The following KCNK5 variants were observed in gnomAD, a reference collection of about 807,000 sequenced individuals.
KCNK5 encodes potassium two pore domain channel subfamily K member 5, also known as potassium channel subfamily K member 5.
KCNK5 carries 18 observed loss-of-function variants against 32.9 expected under a neutral mutation model. That is an observed-to-expected ratio of 0.55 (90% confidence interval 0.38 to 0.81). The LOEUF is 0.81. KCNK5 is among the 30% of genes least tolerant of loss of function. The probability of loss-of-function intolerance (pLI) is 0.00; values close to 1 mark genes in which losing one functional copy is unlikely to be tolerated. For synonymous variants in KCNK5, 276 were observed against 275.3 expected, an observed-to-expected ratio of 1.00 and a Z score of -0.03; for missense variants, 507 against 651.0, an observed-to-expected ratio of 0.78 and a Z score of 2.41.
At chr6:39,204,609 G>A (rs750701884) in intron 1 of KCNK5, among the ~76,000 whole-genome samples, 1 of 152,228 alleles carries the variant, frequency 6.6e-6, no homozygotes, top group Non-Finnish European at 1.5e-5. Flanking sequence ...GAAATAGTCT[G>A]GGGCTTGAAC....
intron 1 of KCNK5, among the ~76,000 whole-genome samples, chr6:39,223,001 C>T (rs934935611): frequency 3.3e-5 from 5 of 152,108 alleles, no homozygotes; most frequent in Admixed American, 6.6e-5. Context: ...GGCTTTTAAA[C>T]GTGGCTAAAA....
chr6:39,210,545 A>G (rs1056673600), intron 1 of KCNK5, among the ~76,000 whole-genome samples: 5 of 152,184 alleles, frequency 3.3e-5, no homozygotes, highest in African/African-American at 1.2e-4. Context: ...TTAACCCAAC[A>G]ACGATGGGGC....
At chr6:39,215,307 C>T (rs754943920) in intron 1 of KCNK5, among the ~76,000 whole-genome samples, 2 of 152,202 alleles carry the variant, frequency 1.3e-5, no homozygotes, top group African/African-American at 2.4e-5. Context: ...TGGCGAGAGG[C>T]AGCCCTTCCA....
chr6:39,216,207 C>T (rs112180229), intron 1 of KCNK5, among the ~76,000 whole-genome samples: 7,885 of 152,224 alleles, frequency 0.052, 505 homozygotes, highest in African/African-American at 0.15. Context: ...ATCGCTTGAA[C>T]CTGGGAGGTG....
At chr6:39,210,962 C>A (rs962869078) in intron 1 of KCNK5, among the ~76,000 whole-genome samples, 1 of 152,076 alleles carries the variant, frequency 6.6e-6, no homozygotes, top group Admixed American at 6.5e-5. Context: ...AAAAACAGTG[C>A]CCGCCCCTCC....
chr6:39,219,367 T>C (rs1771501487), intron 1 of KCNK5, among the ~76,000 whole-genome samples: 1 of 152,064 alleles, frequency 6.6e-6, no homozygotes, highest in Admixed American at 6.5e-5. Context: ...TTTACAGGCA[T>C]TTCCTCTTGC....
intron 1 of KCNK5, among the ~76,000 whole-genome samples, chr6:39,219,028 T>TA (rs2113796610): frequency 6.6e-6 from 1 of 152,296 alleles, no homozygotes; most frequent in South Asian, 2.1e-4. Flanking sequence ...GTAAAATATC[T>TA]GCTGAATGAG....
At position 39,229,302 on chromosome 6, in the gene KCNK5, G is replaced by A. The variant is rs1480533906; in HGVS notation, c.-191C>T. On this transcript the variant is annotated 5_prime_UTR_variant, in exon 1 of 5. Coordinates refer to ENST00000359534, the MANE Select transcript of KCNK5 (RefSeq NM_003740.4). ...GCCAAGTTGGCCCACGGAGTGCGGG[G>A]AGCTGCGTGGGGCCCCACTCACGCG... 1.0e-5 allele frequency: 7 copies of A among 683,610 alleles called. No homozygotes were observed. Among genetic ancestry groups the A allele is most frequent in the African/African-American group, 1.8e-5 (1 of 55,294 alleles). 42.3% of individuals were successfully genotyped at this position (683,610 alleles called of 1,614,324 possible). A position where few individuals can be genotyped will look rare whatever the true frequency, so the allele number is the denominator to read the frequency against.
At chr6:39,217,104 G>A (rs1771450633) in intron 1 of KCNK5, among the ~76,000 whole-genome samples, 1 of 57,038 alleles carries the variant, frequency 1.8e-5, no homozygotes, top group South Asian at 5.8e-4. Flanking sequence ...TGGGCAACAA[G>A]AGCAAAACTC....
chr6:39,221,456 G>C (rs901235144), intron 1 of KCNK5, among the ~76,000 whole-genome samples: 4 of 152,172 alleles, frequency 2.6e-5, no homozygotes, highest in Non-Finnish European at 5.9e-5. Context: ...CTGTCCAATG[G>C]GAATAGCAAT....
intron 1 of KCNK5, among the ~76,000 whole-genome samples, chr6:39,210,989 C>T (rs897822695): frequency 2.0e-5 from 3 of 152,144 alleles, no homozygotes; most frequent in African/African-American, 7.2e-5. Context: ...TCCCCTACTC[C>T]ACCTTTCCTG....
intron 1 of KCNK5, among the ~76,000 whole-genome samples, chr6:39,200,118 T>C (rs1166972890): frequency 2.6e-5 from 4 of 152,236 alleles, no homozygotes; most frequent in Admixed American, 2.0e-4. Context: ...GTAAACACCC[T>C]GTCAGACAAG....
At chr6:39,218,909 T>C (rs1168128825) in intron 1 of KCNK5, among the ~76,000 whole-genome samples, 1 of 152,220 alleles carries the variant, frequency 6.6e-6, no homozygotes, top group Non-Finnish European at 1.5e-5. Context: ...GTTTTTCTCC[T>C]GCCCCAGCTC....
chr6:39,198,799 A>G (rs1023273400), intron 1 of KCNK5, among the ~76,000 whole-genome samples: 1 of 152,218 alleles, frequency 6.6e-6, no homozygotes, highest in African/African-American at 2.4e-5. Flanking sequence ...CCAACAGGCC[A>G]AAGTCCAAGG....
Position 39,228,913 on chromosome 6 carries a change from G to A in KCNK5, c.186+13C>T. 1 of 1,613,788 alleles carries A rather than the reference G, an allele frequency of 6.2e-7. No individual in the cohort carries two copies. On this transcript the variant is annotated intron_variant, in intron 1 of 4. Transcript: ENST00000359534. The stretch of plus-strand genomic sequence containing the variant: ...AGCTTCAGATGTATATGGGGGTACA[G>A]GCGGCGACTGACCTCTAGGATCTTG...
intron 1 of KCNK5, among the ~76,000 whole-genome samples, chr6:39,217,136 A>AAAAAAC (rs1771454246): frequency 7.6e-6 from 1 of 131,666 alleles, no homozygotes; most frequent in Non-Finnish European, 1.7e-5. Flanking sequence ...AAAAAAAAAA[A>AAAAAAC]AAAAAAAGAA....
At chr6:39,205,050 C>G (rs769527927) in intron 1 of KCNK5, among the ~76,000 whole-genome samples, 1 of 152,226 alleles carries the variant, frequency 6.6e-6, no homozygotes, top group Non-Finnish European at 1.5e-5. Flanking sequence ...TCCCCCAGGG[C>G]AGGGGGGCAG....
intron 1 of KCNK5, among the ~76,000 whole-genome samples, chr6:39,215,748 G>T (rs751933456): frequency 4.2e-4 from 64 of 152,344 alleles, no homozygotes; most frequent in Middle Eastern, 3.4e-3. Flanking sequence ...TGACTGGCAG[G>T]TCAGACAGAA....
chr6:39,202,592 G>A (rs1191581210), intron 1 of KCNK5, among the ~76,000 whole-genome samples: 1 of 152,188 alleles, frequency 6.6e-6, no homozygotes, highest in African/African-American at 2.4e-5. Context: ...AGGGAGGCCT[G>A]TCCCCTTGGG....
Sources: allele counts gnomAD v4.1 joint callset (sites outside exome capture counted in the v4.1 genomes callset), GRCh38; gene constraint gnomAD v4.1.1; transcripts MANE v1.5; gene names NCBI Gene and HGNC (gene_info 2026-07-23, HGNC 2026-07-21).